The following FYB2 variants were observed in gnomAD, a reference collection of about 807,000 sequenced individuals.
The protein encoded by FYB2 is FYN binding protein 2.
FYB2 carries 103 observed loss-of-function variants against 94.1 expected under a neutral mutation model. The ratio of observed to expected loss-of-function variants is 1.09; its 90% confidence interval spans 0.93 to 1.29. FYB2 has a LOEUF of 1.29. Among genes scored for constraint, FYB2 ranks in the 50% most tolerant of loss-of-function variants. FYB2 has a pLI of 0.00. For synonymous variants in FYB2, 293 were observed against 287.9 expected (o/e 1.02, Z -0.18); for missense variants, 896 against 841.5 (o/e 1.06, Z -0.80).
At chr1:56,781,612 A>G (rs753059874) in intron 4 of FYB2, among the ~76,000 whole-genome samples, 1 of 152,212 alleles carries the variant, frequency 6.6e-6, no homozygotes, top group Non-Finnish European at 1.5e-5. Flanking sequence ...ATGGCTTTCC[A>G]GGACGTCTTT....
rs777270414 is a variant in FYB2, at chr1:56,726,588, G to A, written c.1794-5C>T. The A allele has an allele frequency of 6.2e-6, 10 of 1,604,972 alleles. No homozygotes were observed. The highest frequency in any genetic ancestry group is 6.0e-6 in the Non-Finnish European group (7 of 1,174,048). On this transcript the variant is annotated splice_polypyrimidine_tract_variant and splice_region_variant and intron_variant, in intron 15 of 19. Coordinates refer to ENST00000343433, the MANE Select transcript of FYB2 (RefSeq NM_001004303.5). ...ATTTTCAGTTTATCTTCATCTCTGAGGAGAAATATATTTTGAGCAAGTAAA... is the reference window on the plus strand; with the variant it reads ...ATTTTCAGTTTATCTTCATCTCTGAAGAGAAATATATTTTGAGCAAGTAAA...
intron 4 of FYB2, among the ~76,000 whole-genome samples, chr1:56,771,000 T>C (rs11206914): frequency 0.54 from 82,564 of 151,960 alleles, 24,559 homozygotes; most frequent in African/African-American, 0.79. Context: ...TATGGAGAAA[T>C]AGGAAATCTT....
intron 9 of FYB2, among the ~76,000 whole-genome samples, chr1:56,745,552 C>T (rs888858533): frequency 3.9e-5 from 6 of 152,044 alleles, no homozygotes; most frequent in Middle Eastern, 3.4e-3. Context: ...AATTATATTC[C>T]GATTTCAAAT....
At chr1:56,757,690 C>CCTTCTTTTTTTT (rs1218633074) in intron 6 of FYB2, among the ~76,000 whole-genome samples, 2 of 53,898 alleles carry the variant, frequency 3.7e-5, no homozygotes, top group Non-Finnish European at 7.2e-5. Context: ...TTCCTTCCTT[C>CCTTCTTTTTTTT]TTTCTTTCTT....
At chr1:56,758,898 T>G (rs1645421866) in intron 5 of FYB2, 148 bp from the exon 6 acceptor site, 1 of 527,196 alleles carries the variant, frequency 1.9e-6, no homozygotes, top group Non-Finnish European at 3.1e-6. Flanking sequence ...TCTAGAAAGT[T>G]TGGGAAATTA....
intron 6 of FYB2, among the ~76,000 whole-genome samples, chr1:56,757,606 CCTTTTCTTTCCTT>C (rs1340846633): frequency 1.3e-5 from 2 of 151,776 alleles, no homozygotes; most frequent in Non-Finnish European, 1.5e-5. Context: ...GGAAAATATG[CCTTTTCTTTCCTT>C]CTTTTCTTTC....
rs963253541 is a variant in FYB2 at position 56,806,560 on chromosome 1, G to A, written c.9+12722C>T. ...TAACAACACAAATTTACATATTTAT[G>A]GTTCAAAATTCCTTCACAGAATATA... On this transcript the variant is annotated intron_variant, in intron 1 of 19. Transcript: ENST00000343433. 2.0e-5 allele frequency among the ~76,000 whole-genome samples: 3 copies of A among 152,166 alleles called. No individual in the cohort carries two copies. The South Asian group carries it at 6.2e-4, about 32-fold the overall frequency.
chr1:56,738,538 G>T, intron 14 of FYB2, 87 bp downstream of exon 14: 1 of 1,319,720 alleles, frequency 7.6e-7, no homozygotes, highest in Non-Finnish European at 1.0e-6. Context: ...ATGTGGGAAT[G>T]CAGGAAGGGT....
At chr1:56,815,783 C>A (rs574810351) in intron 1 of FYB2, among the ~76,000 whole-genome samples, 1 of 152,180 alleles carries the variant, frequency 6.6e-6, no homozygotes, top group Non-Finnish European at 1.5e-5. Context: ...TCAACTACAA[C>A]TCCAATGCTC....
intron 15 of FYB2, among the ~76,000 whole-genome samples, chr1:56,736,424 CTTTTTTTT>C (rs59242700): frequency 3.3e-5 from 4 of 120,008 alleles, no homozygotes; most frequent in Non-Finnish European, 5.0e-5. Flanking sequence ...TTAAGGATGG[CTTTTTTTT>C]TTTTTTTTTT....
intron 15 of FYB2, among the ~76,000 whole-genome samples, chr1:56,734,241 CT>C (rs1358025709): frequency 6.6e-6 from 1 of 151,936 alleles, no homozygotes; most frequent in East Asian, 1.9e-4. Flanking sequence ...GCAACCCCTG[CT>C]TTTTTTGCTT....
chr1:56,769,478 A>G (rs895142288), intron 4 of FYB2, among the ~76,000 whole-genome samples: 2 of 152,164 alleles, frequency 1.3e-5, no homozygotes, highest in African/African-American at 2.4e-5. Context: ...TTATAAAAAG[A>G]AAGAAGAAAG....
At chr1:56,744,540 C>T (rs375022518) in intron 9 of FYB2, among the ~76,000 whole-genome samples, 12 of 152,012 alleles carry the variant, frequency 7.9e-5, no homozygotes, top group African/African-American at 2.9e-4. Context: ...TGCTGGTTAC[C>T]TAGTAAACTA....
chr1:56,772,873 T>C (rs1645792386), intron 4 of FYB2, among the ~76,000 whole-genome samples: 1 of 152,174 alleles, frequency 6.6e-6, no homozygotes, highest in Non-Finnish European at 1.5e-5. Context: ...AGGACAGAAA[T>C]ATTGTATTTT....
chr1:56,772,729 A>G (rs1645787804), intron 4 of FYB2, among the ~76,000 whole-genome samples: 1 of 152,126 alleles, frequency 6.6e-6, no homozygotes, highest in Admixed American at 6.6e-5. Context: ...AAATACCTTA[A>G]GCCTCCATTT....
chr1:56,726,396 A>G, intron 16 of FYB2, 101 bp downstream of exon 16: 4 of 1,049,950 alleles, frequency 3.8e-6, no homozygotes, highest in Non-Finnish European at 5.6e-6. Flanking sequence ...TAGATGAAAC[A>G]GCTGAGAATC....
intron 2 of FYB2, 140 bp from the exon 3 acceptor site, chr1:56,789,274 T>C (rs1480941513): frequency 6.4e-6 from 6 of 940,398 alleles, no homozygotes; most frequent in Non-Finnish European, 9.4e-6. Flanking sequence ...GATCAATACA[T>C]AAACCTGATC....
intron 4 of FYB2, among the ~76,000 whole-genome samples, chr1:56,783,568 A>T (rs1323043304): frequency 8.0e-6 from 1 of 125,306 alleles, no homozygotes; most frequent in South Asian, 2.4e-4. Context: ...TCACATAAAG[A>T]GGGGGTAAAT....
chr1:56,778,158 T>C (rs1645926109), intron 4 of FYB2, among the ~76,000 whole-genome samples: 1 of 152,048 alleles, frequency 6.6e-6, no homozygotes, highest in Non-Finnish European at 1.5e-5. Context: ...TGTAGAATGG[T>C]TTCTGTATGA....
Sources: allele counts gnomAD v4.1 joint callset (sites outside exome capture counted in the v4.1 genomes callset), GRCh38; gene constraint gnomAD v4.1.1; transcripts MANE v1.5; gene names NCBI Gene and HGNC (gene_info 2026-07-23, HGNC 2026-07-21).